The following PPCDC variants were observed in gnomAD, a reference collection of about 807,000 sequenced individuals.
PPCDC encodes the protein phosphopantothenoylcysteine decarboxylase.
In PPCDC, 20 loss-of-function variants were observed where a neutral mutation model predicts 20.7. The ratio of observed to expected loss-of-function variants is 0.97; its 90% CI spans 0.68 to 1.41. PPCDC has a LOEUF of 1.41. Among genes scored for constraint, PPCDC ranks in the 40% most tolerant of loss-of-function variants. The probability of loss-of-function intolerance (pLI) is 0.00; values close to 1 mark genes in which losing one functional copy is unlikely to be tolerated. For synonymous variants in PPCDC, 88 were observed against 100.3 expected, an observed-to-expected ratio of 0.88 and a Z score of 0.73; for missense variants, 246 against 263.8, an observed-to-expected ratio of 0.93 and a Z score of 0.47.
Position 75,030,160 on chromosome 15 carries a change from G to A in PPCDC, c.135+1707G>A, listed in dbSNP as rs117010773. Among the ~76,000 whole-genome samples the A allele has an allele frequency of 2.0e-3, 311 of 152,322 alleles. 11 individuals carry two copies. In the East Asian group the frequency reaches 0.054, roughly 26 times the overall value. Reference sequence around the variant, plus strand: ...ACTGAACTGGGAGGGAGGGCTCCCCGACTCAGCCTCTTGGAGCTTGCCTTT... The same window carrying A: ...ACTGAACTGGGAGGGAGGGCTCCCCAACTCAGCCTCTTGGAGCTTGCCTTT... On this transcript the variant is annotated intron_variant, in intron 2 of 5. Coordinates refer to ENST00000342932, the MANE Select transcript of PPCDC (RefSeq NM_021823.5).
chr15:75,025,517 C>T (rs775077351), intron 1 of PPCDC, among the ~76,000 whole-genome samples: 10 of 152,340 alleles, frequency 6.6e-5, no homozygotes, highest in Non-Finnish European at 1.2e-4. Flanking sequence ...ACATCACAAG[C>T]TGAGGCTCTT....
chr15:75,032,391 A>T (rs1595900850), intron 2 of PPCDC, among the ~76,000 whole-genome samples: 1 of 152,226 alleles, frequency 6.6e-6, no homozygotes, highest in Non-Finnish European at 1.5e-5. Context: ...AGTGTGGAGT[A>T]AATTCTGACT....
intron 2 of PPCDC, among the ~76,000 whole-genome samples, chr15:75,028,801 C>G (rs1327821387): frequency 6.6e-6 from 1 of 152,120 alleles, no homozygotes; most frequent in Admixed American, 6.5e-5. Flanking sequence ...CTCAGTATCC[C>G]CTCCTGCCTT....
rs1470057443 is a variant in PPCDC at position 75,049,806 on chromosome 15, G to T, written c.*571G>T. On this transcript the variant is annotated 3_prime_UTR_variant, in exon 6 of 6. Coordinates refer to ENST00000342932, the MANE Select transcript of PPCDC (RefSeq NM_021823.5). ...CAGAGATCAGGGGGTGTTGCCAGGT[G>T]TGGCTGGGGAAGGGTCTGGGTTCAC... The T allele has an allele frequency of 6.5e-6, 1 of 153,096 alleles. No homozygotes were observed. The highest frequency in any genetic ancestry group is 1.5e-5 in the Non-Finnish European group (1 of 68,734). 9.5% of individuals were successfully genotyped at this position (153,096 alleles called of 1,614,324 possible).
Position 75,028,263 on chromosome 15 carries a change from G to A in PPCDC, c.-56G>A. On this transcript the variant is annotated 5_prime_UTR_variant, in exon 2 of 6. Coordinates refer to ENST00000342932, the MANE Select transcript of PPCDC (RefSeq NM_021823.5). The stretch of plus-strand genomic sequence containing the variant: ...TCCTTTTAGATCCTAAATCCCGACA[G>A]CTTTATAGAGCCCAGGCCTGGCAGG... The A allele has an allele frequency of 6.3e-7, 1 of 1,594,426 alleles. No homozygotes were observed. Among genetic ancestry groups the A allele is most frequent in the Non-Finnish European group, 8.5e-7 (1 of 1,173,488 alleles).
At position 75,044,497 on chromosome 15, in the gene PPCDC, A is replaced by G; in HGVS notation, c.343A>G (p.Ile115Val). 6.2e-7 allele frequency: 1 copy of G among 1,614,046 alleles called. No individual in the cohort carries two copies. Among genetic ancestry groups the G allele is most frequent in the South Asian group, 1.1e-5 (1 of 91,078 alleles). The change falls in exon 4 of 6, where the codon ATC becomes GTC. Residue 115 changes from isoleucine (I) to valine (V), a missense_variant. Ile to Val is a conservative substitution (Grantham distance 29, BLOSUM62 3). Around this residue, in one of 2 missense-constraint regions of PPCDC, gnomAD observed 225 missense variants for 222.6 expected, o/e 1.01. Transcript: ENST00000342932. ...ANTLGKVASG[I>V]CDNLLTCVMR... is the part of the protein sequence containing the mutation. ...CACTCTGGGGAAGGTGGCCAGTGGC[A>G]TCTGTGACAACTTGCTTGTGAGTGA...
chr15:75,036,722 C>T (rs998321742), intron 2 of PPCDC, among the ~76,000 whole-genome samples: 8 of 152,116 alleles, frequency 5.3e-5, no homozygotes, highest in Admixed American at 1.3e-4. Context: ...CCTTGAGTGA[C>T]GGTGTAGGGA....
At chr15:75,024,950 G>GTC (rs758691079) in intron 1 of PPCDC, among the ~76,000 whole-genome samples, 1 of 149,706 alleles carries the variant, frequency 6.7e-6, no homozygotes, top group Non-Finnish European at 1.5e-5. Context: ...TTTTGAAATG[G>GTC]TCTCTCTCTG....
intron 3 of PPCDC, 114 bp from the exon 4 acceptor site, chr15:75,044,272 G>A (rs113705948): frequency 2.5e-5 from 37 of 1,468,962 alleles, no homozygotes; most frequent in African/African-American, 2.4e-4. Flanking sequence ...ACGGAGGTTG[G>A]CCTGGGCAGG....
At chr15:75,033,924 A>G (rs1448598152) in intron 2 of PPCDC, among the ~76,000 whole-genome samples, 3 of 152,076 alleles carry the variant, frequency 2.0e-5, no homozygotes, top group East Asian at 3.9e-4. Context: ...GAATTTTCTG[A>G]AGTTGGGGAA....
chr15:75,032,000 G>A (rs2066027138), intron 2 of PPCDC, among the ~76,000 whole-genome samples: 1 of 152,182 alleles, frequency 6.6e-6, no homozygotes, highest in African/African-American at 2.4e-5. Flanking sequence ...TTCTCAGGGA[G>A]GGGGACTCAG....
chr15:75,028,760 AG>A (rs2065987465), intron 2 of PPCDC, among the ~76,000 whole-genome samples: 1 of 152,120 alleles, frequency 6.6e-6, no homozygotes, highest in African/African-American at 2.4e-5. Flanking sequence ...CCTGTGTGGG[AG>A]GAGGGCTGGC....
In PPCDC at chr15:75,048,688, T is replaced by C; in HGVS notation, c.496T>C (p.Cys166Arg). Reference sequence around the variant, plus strand: ...GGCCTTTGGCTATGTCGAGATCCCCTGTGTGGCCAAGAAGCTGGTGTGCGG... The same window carrying C: ...GGCCTTTGGCTATGTCGAGATCCCCCGTGTGGCCAAGAAGCTGGTGTGCGG... ...LKAFGYVEIP[C>R]VAKKLVCGDE... Residue 166 changes from cysteine to arginine, a missense_variant, in exon 5 of 6, where the codon TGT (cysteine) becomes CGT (arginine). Around this residue, in one of 2 missense-constraint regions of PPCDC, gnomAD observed 225 missense variants for 222.6 expected, o/e 1.01. Coordinates refer to ENST00000342932, the MANE Select transcript of PPCDC (RefSeq NM_021823.5). 6.2e-7 allele frequency: 1 copy of C among 1,614,182 alleles called. No individual in the cohort carries two copies. Among genetic ancestry groups the C allele is most frequent in the Non-Finnish European group, 8.5e-7 (1 of 1,180,012 alleles).
intron 1 of PPCDC, among the ~76,000 whole-genome samples, chr15:75,026,772 G>T (rs2065964748): frequency 6.6e-6 from 1 of 152,142 alleles, no homozygotes; most frequent in African/African-American, 2.4e-5. Context: ...TGGAAGGAGA[G>T]CCCCTTACTG....
chr15:75,032,967 T>C (rs968345048), intron 2 of PPCDC, among the ~76,000 whole-genome samples: 2 of 151,884 alleles, frequency 1.3e-5, no homozygotes, highest in African/African-American at 4.8e-5. Flanking sequence ...CTCTGCTAAT[T>C]TTTTTGCATT....
chr15:75,034,600 C>T (rs542839892), intron 2 of PPCDC, among the ~76,000 whole-genome samples: 1 of 152,356 alleles, frequency 6.6e-6, no homozygotes, highest in South Asian at 2.1e-4. Context: ...TACCCACCAA[C>T]TCCCCTGCTC....
intron 3 of PPCDC, 72 bp downstream of exon 3, chr15:75,043,608 C>A: frequency 7.5e-7 from 1 of 1,332,768 alleles, no homozygotes; most frequent in Non-Finnish European, 1.0e-6. Context: ...CTCCCTACGG[C>A]CTATGGTCTG....
chr15:75,034,358 C>CT (rs1213055574), intron 2 of PPCDC, among the ~76,000 whole-genome samples: 1 of 152,158 alleles, frequency 6.6e-6, no homozygotes. Context: ...CCCCACCTAT[C>CT]TGTTAGACTG....
At chr15:75,023,961 G>T (rs568811363) in intron 1 of PPCDC, among the ~76,000 whole-genome samples, 4 of 152,324 alleles carry the variant, frequency 2.6e-5, no homozygotes, top group African/African-American at 4.8e-5. Context: ...AATGATGGCC[G>T]TGTCAGCTCC....
Sources: gnomAD v4.1 joint callset for allele counts (sites outside exome capture counted in the v4.1 genomes callset) on GRCh38, gnomAD v4.1.1 for gene constraint, gnomAD v4.1.1 regional missense constraint, MANE v1.5 for transcripts, NCBI Gene and HGNC (gene_info 2026-07-23, HGNC 2026-07-21) for gene names.